The following MVD variants were observed in gnomAD, a reference collection of about 807,000 sequenced individuals.
MVD encodes mevalonate diphosphate decarboxylase.
A neutral mutation model predicts 42.4 loss-of-function variants in MVD; 52 were observed. The ratio of observed to expected loss-of-function variants is 1.23; its 90% CI spans 0.98 to 1.55. The LOEUF (loss-of-function observed/expected upper bound fraction) is 1.55. Ranked by LOEUF, MVD falls within the 40% of genes most tolerant of loss-of-function variation. The pLI, the probability that MVD is intolerant of heterozygous loss-of-function variation, is 0.00. For missense variants in MVD, 663 were observed against 572.1 expected (o/e 1.16, Z -1.62); for synonymous variants, 287 against 243.2 (o/e 1.18, Z -1.68).
intron 1 of MVD, among the ~76,000 whole-genome samples, chr16:88,661,745 G>C (rs1178837638): frequency 2.0e-5 from 3 of 151,400 alleles, no homozygotes; most frequent in Non-Finnish European, 2.9e-5. Context: ...ATGAAAAACA[G>C]CAACTCCACC....
In MVD at chr16:88,657,024, T is replaced by G. The variant is rs894658909; in HGVS notation, c.403+412A>C. 2.5e-5 allele frequency: 9 copies of G among 359,498 alleles called. No homozygotes were observed. The Admixed American group carries it at 2.6e-4, about 10-fold the overall frequency. The allele number at this position is 359,498 out of a possible 1,614,324, so 22.3% of individuals were successfully genotyped here. A position where few individuals can be genotyped will look rare whatever the true frequency, so the allele number is the denominator to read the frequency against. Reference sequence around the variant, plus strand: ...ATCCTCAGTTACGTGAGCCACAAAATCATCGCTATTTTAGGGCTGAGCCAG... The same window carrying G: ...ATCCTCAGTTACGTGAGCCACAAAAGCATCGCTATTTTAGGGCTGAGCCAG... On this transcript the variant is annotated intron_variant, in intron 4 of 9. Coordinates refer to ENST00000301012, the MANE Select transcript of MVD (RefSeq NM_002461.3).
At chr16:88,657,237 G>A (rs1216153914) in intron 4 of MVD, 199 bp downstream of exon 4, 2 of 810,082 alleles carry the variant, frequency 2.5e-6, no homozygotes, top group African/African-American at 1.7e-5. Flanking sequence ...AGAGCCCCAC[G>A]CCAGCTGCAA....
chr16:88,657,804 C>T, intron 3 of MVD, 111 bp downstream of exon 3: 1 of 1,319,356 alleles, frequency 7.6e-7, no homozygotes, highest in Non-Finnish European at 1.0e-6. Flanking sequence ...TGTCTGGTTC[C>T]CAGCCACCCC....
Position 88,657,536 on chromosome 16 carries a change from C to T in MVD, c.303G>A (p.Pro101=), listed in dbSNP as rs773339011. Residue 101 remains proline (P), a synonymous_variant, in exon 4 of 10, where the codon CCG becomes CCA. Coordinates refer to ENST00000301012, the MANE Select transcript of MVD (RefSeq NM_002461.3). ...CCTTGCAGCTGAGGCTGGAGGGCAGCGGGTCCCCATCCCGTGAGTTCCTCC... is the reference window on the plus strand; with the variant it reads ...CCTTGCAGCTGAGGCTGGAGGGCAGTGGGTCCCCATCCCGTGAGTTCCTCC... ...RKRRNSRDGD[P]LPSSLSCKVH... 79 of 1,612,660 alleles carry T rather than the reference C, an allele frequency of 4.9e-5. 1 individual carries two copies. The highest frequency in any genetic ancestry group is 6.7e-5 in the Admixed American group (4 of 60,000).
rs1199121995 is a variant in MVD, at chr16:88,655,214, G to A, written c.882C>T (p.His294=). 6 of 1,566,456 alleles carry A rather than the reference G, an allele frequency of 3.8e-6. No individual in the cohort carries two copies. Among genetic ancestry groups the A allele is most frequent in the Non-Finnish European group, 5.2e-6 (6 of 1,155,664 alleles). The change falls in exon 7 of 10, where the codon CAC becomes CAT. Residue 294 remains histidine (H), a synonymous_variant. Transcript: ENST00000301012. ...CCCGCGTCACCTTGGTGTCCCCGTG[G>A]TGGGCGTTGAAGCGGTGCACCAGGT... ...IIHLVHRFNA[H]HGDTKVAYTF...
In MVD at chr16:88,659,265, G is replaced by C. The variant is rs899149025; in HGVS notation, c.71-545C>G. 4.6e-5 allele frequency: 8 copies of C among 174,072 alleles called. No homozygotes were observed. In the South Asian group the frequency reaches 6.2e-4, roughly 14 times the overall value. 10.8% of individuals were successfully genotyped at this position (174,072 alleles called of 1,614,324 possible). ...GCTTCGCTAAGCACACCATCTGCTC[G>C]GTTTTGTGCGAGGGGAGGTCTCTGA... is the stretch of plus-strand genomic sequence containing the variant. On this transcript the variant is annotated intron_variant, in intron 1 of 9. Transcript: ENST00000301012.
Position 88,653,127 on chromosome 16 carries a change from G to C in MVD, c.1122+173C>G, listed in dbSNP as rs569937885. 1.2e-4 allele frequency among the ~76,000 whole-genome samples: 18 copies of C among 152,308 alleles called. No individual in the cohort carries two copies. In the South Asian group the frequency reaches 1.7e-3, roughly 14 times the overall value. ...CCCTGCTGCTCTGAGCATCACCAGT[G>C]GCCTGTAATGTCCACTTTGAGAGCA... On this transcript the variant is annotated intron_variant, in intron 9 of 9. Transcript: ENST00000301012.
intron 6 of MVD, 45 bp downstream of exon 6, chr16:88,655,610 CA>C (rs1907862957): frequency 6.5e-7 from 1 of 1,543,386 alleles, no homozygotes; most frequent in African/African-American, 1.4e-5. Context: ...GAGCCGGGCA[CA>C]AGCGTGACTC....
rs549761977 is a variant in MVD at position 88,652,155 on chromosome 16, C to G, written c.*370G>C. The G allele has an allele frequency of 1.2e-4, 43 of 360,854 alleles. No individual in the cohort carries two copies. Among genetic ancestry groups the G allele is most frequent in the South Asian group, 1.0e-3 (42 of 40,524 alleles). 22.4% of individuals were successfully genotyped at this position (360,854 alleles called of 1,614,324 possible). Reference sequence around the variant, plus strand: ...GCTGCTCCCAGCACGGTGACCCCTTCCCTGGTCCGCTGGAGGGACCACCTC... The same window carrying G: ...GCTGCTCCCAGCACGGTGACCCCTTGCCTGGTCCGCTGGAGGGACCACCTC... On this transcript the variant is annotated 3_prime_UTR_variant, in exon 10 of 10. Transcript: ENST00000301012.
At chr16:88,659,035 C>A in intron 1 of MVD, 1 of 389,264 alleles carries the variant, frequency 2.6e-6, no homozygotes, top group South Asian at 2.4e-5. Flanking sequence ...TGCCTCCCCT[C>A]CACCTTCCCA....
chr16:88,662,742 G>C, intron 1 of MVD: 1 of 1,469,546 alleles, frequency 6.8e-7, no homozygotes, highest in Non-Finnish European at 9.0e-7. Flanking sequence ...TGATGATTTC[G>C]ATAGTTCGGT....
chr16:88,655,814 C>T (rs1907886236), intron 5 of MVD, 84 bp from the exon 6 acceptor site: 4 of 1,467,220 alleles, frequency 2.7e-6, no homozygotes, highest in Non-Finnish European at 3.7e-6. Flanking sequence ...GGCCCTCCCT[C>T]AGCCAATGCA....
rs1907793090 is a variant in MVD at position 88,654,714 on chromosome 16, G to C, written c.991C>G (p.Pro331Ala). Residue 331 changes from proline (P) to alanine (A), a missense_variant, in exon 8 of 10, where the codon CCC becomes GCC. Pro to Ala is a conservative substitution (Grantham distance 27). Coordinates refer to ENST00000301012, the MANE Select transcript of MVD (RefSeq NM_002461.3). ...EFVAAVWHGF[P>A]PGSNGDTFLK... ...CACGTGTCTCCATTCGAGCCTGGGGGAAAGCCGTGCCACACAGCAGCCACA... is the reference window on the plus strand; with the variant it reads ...CACGTGTCTCCATTCGAGCCTGGGGCAAAGCCGTGCCACACAGCAGCCACA... 6 of 1,599,404 alleles carry C rather than the reference G, an allele frequency of 3.8e-6. No individual in the cohort carries two copies. The highest frequency in any genetic ancestry group is 1.4e-5 in the African/African-American group (1 of 73,980).
At position 88,657,943 on chromosome 16, in the gene MVD, C is replaced by T. The variant is rs143980554; in HGVS notation, c.228G>A (p.Gln76=). 8.7e-6 allele frequency: 14 copies of T among 1,613,804 alleles called. No individual in the cohort carries two copies. The African/African-American group carries it at 1.6e-4, about 18-fold the overall frequency. The stretch of plus-strand genomic sequence containing the variant: ...CCCGCAGGCAGGCCTGCAGCCGCGG[C>T]TGCCCCACATCCTCCTCCCGGCCAT... ...WLNGREEDVG[Q]PRLQACLREI... The change falls in exon 3 of 10, where the codon CAG becomes CAA. Residue 76 remains glutamine (Q), a synonymous_variant. Transcript: ENST00000301012.
Position 88,663,066 on chromosome 16 carries a change from C to T in MVD, c.15G>A (p.Lys5=). The part of the protein sequence containing the change: MASE[K]PLAAVTCTAP... ...CTGTACAAGTGACTGCCGCCAGCGGCTTCTCCGAGGCCATGGTCCCACCGC... is the reference window on the plus strand; with the variant it reads ...CTGTACAAGTGACTGCCGCCAGCGGTTTCTCCGAGGCCATGGTCCCACCGC... The change falls in exon 1 of 10, where the codon AAG becomes AAA. Residue 5 remains lysine, a synonymous_variant. Transcript: ENST00000301012. The T allele has an allele frequency of 1.9e-6, 3 of 1,609,978 alleles. No individual in the cohort carries two copies. The highest frequency in any genetic ancestry group is 2.5e-6 in the Non-Finnish European group (3 of 1,178,858).
intron 3 of MVD, 51 bp downstream of exon 3, chr16:88,657,864 C>G: frequency 6.4e-7 from 1 of 1,571,404 alleles, no homozygotes; most frequent in Non-Finnish European, 8.7e-7. Context: ...TCTGGATGCT[C>G]GGACCCTGCT....
At chr16:88,659,700 T>C (rs1268221954) in intron 1 of MVD, among the ~76,000 whole-genome samples, 2 of 152,024 alleles carry the variant, frequency 1.3e-5, no homozygotes, top group Non-Finnish European at 2.9e-5. Context: ...GCGCGGTGGC[T>C]CACGCCTGTA....
At chr16:88,659,998 A>T (rs1017457560) in intron 1 of MVD, among the ~76,000 whole-genome samples, 1 of 151,256 alleles carries the variant, frequency 6.6e-6, no homozygotes, top group African/African-American at 2.4e-5. Flanking sequence ...AAAAGAAAAG[A>T]AAAAAAGAAA....
intron 3 of MVD, 156 bp downstream of exon 3, chr16:88,657,759 G>A (rs1908025895): frequency 4.1e-6 from 5 of 1,234,276 alleles, no homozygotes; most frequent in East Asian, 2.5e-5. Flanking sequence ...TCATTGAGGT[G>A]GGCCACTGCC....
Sources: allele counts gnomAD v4.1 joint callset (sites outside exome capture counted in the v4.1 genomes callset), GRCh38; gene constraint gnomAD v4.1.1; transcripts MANE v1.5; gene names NCBI Gene and HGNC (gene_info 2026-07-23, HGNC 2026-07-21).